The following SH3RF2 variants were observed in gnomAD, a reference collection of about 807,000 sequenced individuals.
SH3RF2 encodes the protein SH3 domain containing ring finger 2, also known as E3 ubiquitin-protein ligase SH3RF2.
A neutral mutation model predicts 59.0 loss-of-function variants in SH3RF2; 43 were observed. The ratio of observed to expected loss-of-function variants is 0.73; its 90% confidence interval spans 0.57 to 0.94. The LOEUF (loss-of-function observed/expected upper bound fraction) is 0.94, where lower values mean the gene tolerates loss of function less well. SH3RF2 is among the 40% of genes least tolerant of loss of function. SH3RF2 has a pLI of 0.00. For missense variants in SH3RF2, 930 were observed against 940.1 expected, an observed-to-expected ratio of 0.99 and a Z score of 0.14; for synonymous variants, 391 against 391.5, an observed-to-expected ratio of 1.00 and a Z score of 0.01.
intron 4 of SH3RF2, among the ~76,000 whole-genome samples, chr5:146,010,443 G>T (rs1760833971): frequency 6.6e-6 from 1 of 152,174 alleles, no homozygotes; most frequent in African/African-American, 2.4e-5. Context: ...AGATCCTTGA[G>T]GAATCGCCAC....
chr5:145,995,659 A>G (rs1027359204), intron 2 of SH3RF2, among the ~76,000 whole-genome samples: 61 of 152,314 alleles, frequency 4.0e-4, no homozygotes, highest in African/African-American at 1.4e-3. Flanking sequence ...AAGTTAGAGA[A>G]CACAGCTAAG....
intron 4 of SH3RF2, 122 bp downstream of exon 4, chr5:146,004,275 T>G: frequency 1.8e-5 from 12 of 649,378 alleles, no homozygotes; most frequent in Non-Finnish European, 2.9e-5. Flanking sequence ...CTAAAATCTC[T>G]AAAGAAAAGA....
At chr5:146,044,030 A>G (rs1179010520) in intron 5 of SH3RF2, among the ~76,000 whole-genome samples, 1 of 152,204 alleles carries the variant, frequency 6.6e-6, no homozygotes, top group Non-Finnish European at 1.5e-5. Context: ...AAAAATGGCC[A>G]ATCTGTTTTC....
At chr5:145,938,405 T>A in intron 2 of SH3RF2, 99 bp downstream of exon 2, 1 of 1,367,148 alleles carries the variant, frequency 7.3e-7, no homozygotes, top group South Asian at 1.7e-5. Context: ...CATTCCAGAG[T>A]GCTGCTGTTG....
intron 8 of SH3RF2, 154 bp downstream of exon 8, chr5:146,056,367 T>A (rs925425285): frequency 4.7e-6 from 6 of 1,274,130 alleles, no homozygotes; most frequent in Admixed American, 2.5e-5. Context: ...TGAGTTTTAT[T>A]GAATGAAGTC....
At chr5:146,041,588 G>A (rs1290794147) in intron 5 of SH3RF2, among the ~76,000 whole-genome samples, 1 of 152,144 alleles carries the variant, frequency 6.6e-6, no homozygotes, top group Non-Finnish European at 1.5e-5. Context: ...ACTCCAGATT[G>A]TCCCTAGTGG....
chr5:145,950,332 A>T (rs1307763753), intron 2 of SH3RF2, among the ~76,000 whole-genome samples: 1 of 152,168 alleles, frequency 6.6e-6, no homozygotes, highest in Non-Finnish European at 1.5e-5. Context: ...AACCTCATGG[A>T]GCCCTGCACT....
chr5:145,958,825 G>A (rs1481269664), intron 2 of SH3RF2, among the ~76,000 whole-genome samples: 1 of 152,126 alleles, frequency 6.6e-6, no homozygotes, highest in Admixed American at 6.5e-5. Context: ...TCCACACCAG[G>A]CTGCAGCATA....
At chr5:146,064,794 AGGAAGGAAGG>A (rs1763046367), downstream of SH3RF2, among the ~76,000 whole-genome samples, 2 of 36,706 alleles carry the variant, frequency 5.4e-5, no homozygotes, top group African/African-American at 1.9e-4. Context: ...GAAGGAAGGA[AGGAAGGAAGG>A]AAGGAAAGAA....
At chr5:146,023,411 G>A (rs1007118766) in intron 5 of SH3RF2, among the ~76,000 whole-genome samples, 4 of 152,106 alleles carry the variant, frequency 2.6e-5, no homozygotes, top group Admixed American at 2.0e-4. Context: ...GTTTCACCAT[G>A]TTGGCCAGGC....
intron 9 of SH3RF2, among the ~76,000 whole-genome samples, chr5:146,074,811 C>G (rs1561777652): frequency 6.6e-6 from 1 of 151,784 alleles, no homozygotes; most frequent in African/African-American, 2.4e-5. Context: ...TCTGTCTCCC[C>G]CTCACTCCCC....
At chr5:146,007,957 C>T (rs1189378460) in intron 4 of SH3RF2, among the ~76,000 whole-genome samples, 1 of 152,142 alleles carries the variant, frequency 6.6e-6, no homozygotes, top group Non-Finnish European at 1.5e-5. Flanking sequence ...ATTACCAGTG[C>T]CATGGAAAGC....
At chr5:145,998,876 A>T (rs2149982497) in intron 2 of SH3RF2, among the ~76,000 whole-genome samples, 1 of 152,318 alleles carries the variant, frequency 6.6e-6, no homozygotes, top group Non-Finnish European at 1.5e-5. Flanking sequence ...ACACCACTGG[A>T]CTCCAGCCTG....
At chr5:146,076,071 G>C (rs944411711) in intron 9 of SH3RF2, among the ~76,000 whole-genome samples, 1 of 152,210 alleles carries the variant, frequency 6.6e-6, no homozygotes, top group African/African-American at 2.4e-5. Flanking sequence ...TAGAGTGGAA[G>C]TTCTTTCTAC....
intron 5 of SH3RF2, among the ~76,000 whole-genome samples, chr5:146,034,870 G>C (rs926495971): frequency 3.3e-5 from 5 of 152,160 alleles, no homozygotes; most frequent in African/African-American, 9.7e-5. Context: ...ACTTTGGGAG[G>C]CCAAGGCAGG....
At chr5:146,071,955 CAG>C (rs1265683509) in intron 9 of SH3RF2, among the ~76,000 whole-genome samples, 2 of 152,148 alleles carry the variant, frequency 1.3e-5, no homozygotes, top group African/African-American at 4.8e-5. Context: ...CAATTCAAAA[CAG>C]AGTACAATAG....
At chr5:145,993,619 T>C (rs1450275330) in intron 2 of SH3RF2, among the ~76,000 whole-genome samples, 2 of 152,196 alleles carry the variant, frequency 1.3e-5, no homozygotes, top group Non-Finnish European at 2.9e-5. Context: ...CCCTTTGAAG[T>C]CATGGCCCAA....
Position 146,033,451 on chromosome 5 carries a change from C to CTTTTTTTTTTTTTTTT in SH3RF2, c.1060-14300_1060-14285dup, listed in dbSNP as rs558717056. 4.2e-5 allele frequency among the ~76,000 whole-genome samples: 3 copies of CTTTTTTTTTTTTTTTT among 71,870 alleles called. 1 individual carries two copies. The highest frequency in any genetic ancestry group is 7.2e-5 in the Non-Finnish European group (3 of 41,774). The allele number at this position is 71,870 out of a possible 152,430, so 47.1% of individuals were successfully genotyped here. ...AAAATCTATGAGCACTAGCCCTTAGCTTTTTTTTTTTTTTTTTTTTTTTTT... is the reference window on the plus strand; with the variant it reads ...AAAATCTATGAGCACTAGCCCTTAGCTTTTTTTTTTTTTTTTTTTTTTTTTTTTTTTTTTTTTTTTT... On this transcript the variant is annotated intron_variant, in intron 5 of 9. Transcript: ENST00000359120.
At chr5:146,064,686 GAAA>G (rs1352268592), downstream of SH3RF2, among the ~76,000 whole-genome samples, 144 of 3,804 alleles carry the variant, frequency 0.038, 30 homozygotes, top group African/African-American at 0.08. Flanking sequence ...AAGAAAGAAA[GAAA>G]GAAAGAAAGA....
Sources: allele counts gnomAD v4.1 joint callset (sites outside exome capture counted in the v4.1 genomes callset), GRCh38; gene constraint gnomAD v4.1.1; transcripts MANE v1.5; gene names NCBI Gene and HGNC (gene_info 2026-07-23, HGNC 2026-07-21).